Variants in THAP12 observed in about 807,000 individuals in gnomAD.
The protein encoded by THAP12 is 52 kDa repressor of the inhibitor of the protein kinase.
THAP12 carries 20 observed loss-of-function variants against 63.0 expected under a neutral mutation model. That is an observed-to-expected ratio of 0.32 (90% CI 0.22 to 0.46). THAP12 has a LOEUF of 0.46. THAP12 is among the 20% of genes least tolerant of loss of function. The pLI, the probability that THAP12 is intolerant of heterozygous loss-of-function variation, is 1.00. For missense variants in THAP12, 568 were observed against 908.2 expected (o/e 0.63, Z 4.81); for synonymous variants, 264 against 328.4 (o/e 0.80, Z 2.12).
intron 2 of THAP12, among the ~76,000 whole-genome samples, chr11:76,363,484 C>T (rs1565233390): frequency 6.6e-6 from 1 of 152,064 alleles, no homozygotes; most frequent in Non-Finnish European, 1.5e-5. Flanking sequence ...GCTGGGACTA[C>T]AGACACGTGC....
chr11:76,367,893 AT>A (rs1946643017), intron 1 of THAP12, among the ~76,000 whole-genome samples: 1 of 152,214 alleles, frequency 6.6e-6, no homozygotes, highest in Non-Finnish European at 1.5e-5. Context: ...ATTGTACAGC[AT>A]TTCATTTGAC....
At chr11:76,375,244 C>G (rs1291407829) in intron 1 of THAP12, among the ~76,000 whole-genome samples, 1 of 152,146 alleles carries the variant, frequency 6.6e-6, no homozygotes, top group Non-Finnish European at 1.5e-5. Flanking sequence ...AAGAAGAGAG[C>G]TTCAACGCCC....
rs777172645 is a variant in THAP12 at position 76,365,932 on chromosome 11, C to G, written c.130G>C (p.Glu44Gln). The stretch of plus-strand genomic sequence containing the variant: ...TTTAGCTGATCAGGTGTTTTATCTT[C>G]TAAGTCTGCTCTCCTACAGTTCTCC... ...WVENCRRADL[E>Q]DKTPDQLNKH... The change falls in exon 2 of 5, where the codon GAA becomes CAA. Residue 44 changes from glutamate (E) to glutamine (Q), a missense_variant. Coordinates refer to ENST00000260045, the MANE Select transcript of THAP12 (RefSeq NM_004705.4). The G allele has an allele frequency of 1.2e-6, 2 of 1,613,600 alleles. No homozygotes were observed. The highest frequency in any genetic ancestry group is 1.7e-6 in the Non-Finnish European group (2 of 1,179,674).
chr11:76,366,286 G>C (rs963916535), intron 1 of THAP12, among the ~76,000 whole-genome samples: 1 of 152,142 alleles, frequency 6.6e-6, no homozygotes, highest in Non-Finnish European at 1.5e-5. Context: ...ACCATCAGCA[G>C]AACAAGCAGA....
intron 1 of THAP12, among the ~76,000 whole-genome samples, chr11:76,370,157 C>T (rs1432954195): frequency 6.6e-6 from 1 of 152,160 alleles, no homozygotes; most frequent in Admixed American, 6.5e-5. Flanking sequence ...CCCCCCAAAA[C>T]CTAACTAATC....
chr11:76,370,839 A>AT (rs1388416535), intron 1 of THAP12, among the ~76,000 whole-genome samples: 1,431 of 133,606 alleles, frequency 0.011, 19 homozygotes, highest in African/African-American at 0.032. Flanking sequence ...AGAAAAAAAA[A>AT]AAAAATATAT....
At chr11:76,377,130 C>G (rs1008833918) in intron 1 of THAP12, among the ~76,000 whole-genome samples, 1 of 152,196 alleles carries the variant, frequency 6.6e-6, no homozygotes, top group African/African-American at 2.4e-5. Context: ...ACCCGTACCA[C>G]GGTTTTAAAT....
intron 1 of THAP12, among the ~76,000 whole-genome samples, chr11:76,375,405 T>C (rs1946702483): frequency 6.6e-6 from 1 of 151,958 alleles, no homozygotes; most frequent in African/African-American, 2.4e-5. Flanking sequence ...TTTTTTTTTT[T>C]TTACTTAAAC....
chr11:76,352,803 C>CA lies in THAP12; in HGVS notation c.356-10dup, dbSNP rs752573179. The CA allele has an allele frequency of 1.8e-5, 27 of 1,503,398 alleles. No individual in the cohort carries two copies. Among genetic ancestry groups the CA allele is most frequent in the Non-Finnish European group, 2.0e-5 (23 of 1,127,462 alleles). The allele number at this position is 1,503,398 out of a possible 1,614,324, so 93.1% of individuals were successfully genotyped here. A position where few individuals can be genotyped will look rare whatever the true frequency, so the allele number is the denominator to read the frequency against. On this transcript the variant is annotated splice_polypyrimidine_tract_variant and intron_variant, in intron 4 of 4. Transcript: ENST00000260045. ...CTCAGAAGTTTCATCAACTGGAAAA[C>CA]AAAGAATTAATTTTACAAACAGGCT... is the stretch of plus-strand genomic sequence containing the variant.
At chr11:76,366,016 T>C in intron 1 of THAP12, 44 bp from the exon 2 acceptor site, 1 of 1,596,530 alleles carries the variant, frequency 6.3e-7, no homozygotes, top group Non-Finnish European at 8.5e-7. Flanking sequence ...GAGCTCAGCA[T>C]TTAAATTTCA....
rs2851144 is a variant in THAP12, at chr11:76,376,625, T to G, written c.89+4123A>C. ...CTAAATTGTGTCTATGTTTTTTTTG[T>G]TTTTTTTTTTTTTTCAGGTAAGAGT... On this transcript the variant is annotated intron_variant, in intron 1 of 4. Coordinates refer to ENST00000260045, the MANE Select transcript of THAP12 (RefSeq NM_004705.4). 3.4e-5 allele frequency among the ~76,000 whole-genome samples: 3 copies of G among 87,604 alleles called. 1 individual carries two copies. Among genetic ancestry groups the G allele is most frequent in the African/African-American group, 1.4e-4 (3 of 20,966 alleles). 57.5% of individuals were successfully genotyped at this position (87,604 alleles called of 152,430 possible).
chr11:76,353,049 A>AT (rs879527029), intron 4 of THAP12, among the ~76,000 whole-genome samples: 79 of 148,936 alleles, frequency 5.3e-4, no homozygotes, highest in East Asian at 1.4e-3. Flanking sequence ...GATAGGAATA[A>AT]TTTTTTTTTT....
At chr11:76,380,620 G>C (rs913121228) in intron 1 of THAP12, 128 bp downstream of exon 1, 16 of 667,754 alleles carry the variant, frequency 2.4e-5, no homozygotes, top group Non-Finnish European at 3.3e-5. Flanking sequence ...CGCTGGGGTC[G>C]ACGGCAGTGC....
At chr11:76,356,165 G>C (rs1946559845) in intron 3 of THAP12, 1 of 152,404 alleles carries the variant, frequency 6.6e-6, no homozygotes. Context: ...AGTAGGCCAA[G>C]TGGCACCAAT....
In THAP12 at chr11:76,361,042, G is replaced by A; in HGVS notation, c.232C>T (p.Arg78Ter). ...CRTSPYRTVLRDNAIPTIFDL... is the reference protein window; with the variant it reads ...CRTSPYRTVL ...AATATTGTTGGTATTGCATTATCTC[G>A]AAGAACTGTCCTATAAGGACTCTGA... The change falls in exon 3 of 5, where the codon CGA becomes TGA. Residue 78 changes from arginine (R) to a stop codon, truncating the protein, a stop_gained. Transcript: ENST00000260045. LOFTEE classifies it high-confidence loss of function. The A allele has an allele frequency of 6.2e-7, 1 of 1,609,822 alleles. No homozygotes were observed. The highest frequency in any genetic ancestry group is 1.1e-5 in the South Asian group (1 of 90,936).
rs1275031765 is a variant in THAP12, at chr11:76,351,776, T to C, written c.1374A>G (p.Arg458=). ...CTCGGCCAGCTATATAGTTATTCCA[T>C]CTAATATTTGTGTCACTATTTATAC... ...LDGINSDTNI[R]WNNYIAGRAF... Residue 458 remains arginine (R), a synonymous_variant, in exon 5 of 5, where the codon AGA becomes AGG. Transcript: ENST00000260045. 2 of 1,613,240 alleles carry C rather than the reference T, an allele frequency of 1.2e-6. No individual in the cohort carries two copies. The highest frequency in any genetic ancestry group is 8.5e-7 in the Non-Finnish European group (1 of 1,179,464).
intron 1 of THAP12, among the ~76,000 whole-genome samples, chr11:76,375,212 T>C (rs1245170476): frequency 6.6e-6 from 1 of 152,100 alleles, no homozygotes; most frequent in Non-Finnish European, 1.5e-5. Context: ...TTGGGTGAGT[T>C]AGTACTAGCT....
At chr11:76,355,559 C>T (rs953635363) in intron 4 of THAP12, 59 bp downstream of exon 4, 2 of 1,437,826 alleles carry the variant, frequency 1.4e-6, no homozygotes, top group African/African-American at 2.9e-5. Flanking sequence ...TTTGTCCTTA[C>T]CAGGTCAAGG....
chr11:76,380,779 C>A lies in THAP12; in HGVS notation c.58G>T (p.Ala20Ser). Residue 20 changes from alanine (A) to serine (S), a missense_variant, in exon 1 of 5, where the codon GCC becomes TCC. By Grantham distance (99) the Ala-to-Ser change is moderately conservative. Transcript: ENST00000260045. The stretch of plus-strand genomic sequence containing the variant: ...GGGTCCCGCGGGAACCTGAAGAAGG[C>A]CAAGTCGGACTGCGTGCTCTTCCGC... ...CTRKSTQSDL[A>S]FFRFPRDPAR... is the part of the protein sequence containing the mutation. 6.8e-7 allele frequency: 1 copy of A among 1,468,032 alleles called. No homozygotes were observed. The highest frequency in any genetic ancestry group is 2.3e-5 in the Admixed American group (1 of 42,704). The allele number at this position is 1,468,032 out of a possible 1,614,324, so 90.9% of individuals were successfully genotyped here. A position where few individuals can be genotyped will look rare whatever the true frequency, so the allele number is the denominator to read the frequency against.
Sources: allele counts gnomAD v4.1 joint callset (sites outside exome capture counted in the v4.1 genomes callset), GRCh38; gene constraint gnomAD v4.1.1; transcripts MANE v1.5; gene names NCBI Gene and HGNC (gene_info 2026-07-23, HGNC 2026-07-21).